The following SPANXN3 variants were observed in gnomAD, a reference collection of about 807,000 sequenced individuals.
SPANXN3 encodes sperm protein associated with the nucleus on the X chromosome N3.
SPANXN3 carries 1 observed loss-of-function variant against 1.9 expected under a neutral mutation model. The observed-to-expected ratio is 0.54, with a 90% CI of 0.19 to 2.54. The LOEUF (loss-of-function observed/expected upper bound fraction) is 2.54, where lower values mean the gene tolerates loss of function less well. Among genes scored for constraint, SPANXN3 ranks in the 30% most tolerant of loss-of-function variants. The pLI, the probability that SPANXN3 is intolerant of heterozygous loss-of-function variation, is 0.24. For synonymous variants in SPANXN3, 47 were observed against 40.0 expected (o/e 1.17, Z -0.66); for missense variants, 113 against 96.2 (o/e 1.17, Z -0.73).
intron 1 of SPANXN3, among the ~76,000 whole-genome samples, chrX:143,514,832 T>A (rs1457304244): frequency 9.0e-6 from 1 of 111,654 alleles, no homozygotes; most frequent in Non-Finnish European, 1.9e-5. Context: ...GAAACTTTTT[T>A]AGAAAACAGC....
At chrX:143,512,252 T>C (rs1556411846) in intron 1 of SPANXN3, among the ~76,000 whole-genome samples, 1 of 110,458 alleles carries the variant, frequency 9.1e-6, no homozygotes, top group Non-Finnish European at 1.9e-5. Context: ...ATCCTCATTA[T>C]CCACCCTGTT....
chrX:143,514,320 A>G (rs1556412166), intron 1 of SPANXN3, among the ~76,000 whole-genome samples: 1 of 112,690 alleles, frequency 8.9e-6, no homozygotes, highest in East Asian at 2.8e-4. Flanking sequence ...GTCCAAGTTT[A>G]AAAAACCTTC....
chrX:143,513,859 T>G (rs1252682396), intron 1 of SPANXN3, among the ~76,000 whole-genome samples: 1 of 112,138 alleles, frequency 8.9e-6, no homozygotes, highest in Non-Finnish European at 1.9e-5. Context: ...TAGAATCCAA[T>G]GCTCTGCCAC....
At position 143,509,189 on chromosome X, in the gene SPANXN3, A is replaced by C. The variant is rs2124253348; in HGVS notation, c.79-27T>G. On this transcript the variant is annotated intron_variant, in intron 1 of 1. Transcript: ENST00000370503. ...TGGTAAGAAAATAGGGAGAGGCCAG[A>C]AAGACATTATTTTGGGTGAATAGGA... 8.7e-6 allele frequency: 10 copies of C among 1,153,834 alleles called. No homozygotes were observed. The East Asian group carries it at 3.0e-4, about 34-fold the overall frequency.
At chrX:143,510,551 T>C (rs782386063) in intron 1 of SPANXN3, among the ~76,000 whole-genome samples, 25 of 111,635 alleles carry the variant, frequency 2.2e-4, no homozygotes, top group Non-Finnish European at 3.8e-4. Context: ...TCCCCTCTTC[T>C]AAAAAACAAA....
chrX:143,514,503 A>C (rs782689948), intron 1 of SPANXN3, among the ~76,000 whole-genome samples: 54 of 111,478 alleles, frequency 4.8e-4, no homozygotes, highest in African/African-American at 1.7e-3. Flanking sequence ...CCTCCTTTCC[A>C]ACACACAAGG....
chrX:143,513,270 A>T (rs1439540173), intron 1 of SPANXN3, among the ~76,000 whole-genome samples: 4 of 111,912 alleles, frequency 3.6e-5, no homozygotes, highest in Non-Finnish European at 5.6e-5. Context: ...GCCCTGGCAC[A>T]GGGACTGCCC....
intron 1 of SPANXN3, among the ~76,000 whole-genome samples, chrX:143,510,985 T>A (rs1219888412): frequency 1.2e-4 from 13 of 111,822 alleles, no homozygotes; most frequent in Non-Finnish European, 2.4e-4. Context: ...ACTGAAGGCA[T>A]AATCTGAATT....
chrX:143,515,813 C>T (rs1556412399), intron 1 of SPANXN3, among the ~76,000 whole-genome samples: 10 of 112,093 alleles, frequency 8.9e-5, no homozygotes, highest in Admixed American at 3.8e-4. Context: ...CATTCCCAAA[C>T]CTGTTTATAA....
At chrX:143,511,633 A>G (rs1301053334) in intron 1 of SPANXN3, among the ~76,000 whole-genome samples, 1 of 111,772 alleles carries the variant, frequency 8.9e-6, no homozygotes, top group Non-Finnish European at 1.9e-5. Context: ...GCCACTCAAC[A>G]GGGTTCCCAA....
At chrX:143,511,482 A>T (rs782484071) in intron 1 of SPANXN3, among the ~76,000 whole-genome samples, 1 of 111,774 alleles carries the variant, frequency 8.9e-6, no homozygotes, top group Non-Finnish European at 1.9e-5. Context: ...TTGAAAAAAA[A>T]CTTTAAAAAG....
chrX:143,509,499 C>T (rs868956639), intron 1 of SPANXN3: 4 of 220,259 alleles, frequency 1.8e-5, no homozygotes, highest in Middle Eastern at 1.6e-3. Context: ...AAAGAAACAT[C>T]CCTATCATAA....
At chrX:143,515,974 T>C (rs1929206765) in intron 1 of SPANXN3, among the ~76,000 whole-genome samples, 1 of 72,085 alleles carries the variant, frequency 1.4e-5, no homozygotes, top group African/African-American at 4.9e-5. Context: ...CCCTCCCCTC[T>C]TGGCTGGAGC....
chrX:143,509,292 G>A, intron 1 of SPANXN3, 130 bp from the exon 2 acceptor site: 1 of 545,564 alleles, frequency 1.8e-6, no homozygotes, highest in South Asian at 3.0e-5. Flanking sequence ...GAAGAACAAG[G>A]TGAAATCATA....
intron 1 of SPANXN3, among the ~76,000 whole-genome samples, chrX:143,512,366 C>CA (rs781785261): frequency 3.6e-5 from 4 of 111,800 alleles, no homozygotes; most frequent in Non-Finnish European, 7.5e-5. Flanking sequence ...TTTCTTTTTT[C>CA]AGTCTCAATA....
intron 1 of SPANXN3, among the ~76,000 whole-genome samples, chrX:143,510,416 T>C (rs1389141927): frequency 9.0e-6 from 1 of 110,777 alleles, no homozygotes; most frequent in African/African-American, 3.3e-5. Context: ...CCAGGTGGAA[T>C]CCAGTACTCA....
At chrX:143,516,871 C>T (rs1427330242) in intron 1 of SPANXN3, 1 of 124,316 alleles carries the variant, frequency 8.0e-6, no homozygotes, top group African/African-American at 3.2e-5. Flanking sequence ...TGAGTCCAAA[C>T]CACCATTTAG....
intron 1 of SPANXN3, among the ~76,000 whole-genome samples, chrX:143,514,565 C>T (rs1234379073): frequency 4.5e-5 from 5 of 111,371 alleles, no homozygotes; most frequent in African/African-American, 1.6e-4. Context: ...ACTCACATGT[C>T]CCCCAGAAAG....
intron 1 of SPANXN3, chrX:143,510,142 A>T (rs1929059139): frequency 9.0e-6 from 1 of 111,094 alleles, no homozygotes; most frequent in Non-Finnish European, 1.9e-5. Context: ...TGCAACCAGG[A>T]TCACCCCCAT....
Sources: gnomAD v4.1 joint callset for allele counts (sites outside exome capture counted in the v4.1 genomes callset) on GRCh38, gnomAD v4.1.1 for gene constraint, MANE v1.5 for transcripts, NCBI Gene and HGNC (gene_info 2026-07-23, HGNC 2026-07-21) for gene names.